Variants in SGCD observed in about 807,000 individuals in gnomAD.
The protein encoded by SGCD is delta-sarcoglycan.
In SGCD, 18 loss-of-function variants were observed where a neutral mutation model predicts 36.6. The ratio of observed to expected loss-of-function variants is 0.49; its 90% CI spans 0.34 to 0.73. The LOEUF (loss-of-function observed/expected upper bound fraction) is 0.73. Among genes scored for constraint, SGCD ranks in the 30% least tolerant of loss-of-function variants. SGCD has a pLI of 0.01. For missense variants in SGCD, 387 were observed against 346.7 expected, an observed-to-expected ratio of 1.12 and a Z score of -0.92; for synonymous variants, 133 against 130.6, an observed-to-expected ratio of 1.02 and a Z score of -0.12.
chr5:156,690,889 G>A (rs1284091023), intron 7 of SGCD, among the ~76,000 whole-genome samples: 2 of 151,990 alleles, frequency 1.3e-5, no homozygotes, highest in Admixed American at 6.6e-5. Flanking sequence ...AGATGGCAAG[G>A]ATACTGTAGT....
chr5:156,717,221 C>T (rs1464379452), intron 7 of SGCD, among the ~76,000 whole-genome samples: 2 of 152,194 alleles, frequency 1.3e-5, no homozygotes, highest in East Asian at 3.9e-4. Flanking sequence ...GAGAGAAACA[C>T]TGTCTCTTAA....
chr5:156,468,202 A>G (rs1208298747), intron 3 of SGCD, among the ~76,000 whole-genome samples: 2 of 151,968 alleles, frequency 1.3e-5, no homozygotes, highest in Non-Finnish European at 2.9e-5. Flanking sequence ...TAAAATATGC[A>G]TGGTGGTGCA....
chr5:156,283,642 C>T (rs1383318120), intron 3 of SGCD, among the ~76,000 whole-genome samples: 2 of 152,116 alleles, frequency 1.3e-5, no homozygotes, highest in African/African-American at 4.8e-5. Flanking sequence ...AGTGGTTTAT[C>T]GTCCTAACTT....
At chr5:156,431,975 C>T (rs1753032287) in intron 3 of SGCD, among the ~76,000 whole-genome samples, 1 of 152,166 alleles carries the variant, frequency 6.6e-6, no homozygotes, top group Non-Finnish European at 1.5e-5. Flanking sequence ...CTCAGCCTCT[C>T]AAAGTGCTGG....
the SGCD span, among the ~76,000 whole-genome samples, chr5:155,806,462 A>G: frequency 3.3e-5 from 5 of 152,146 alleles, no homozygotes; most frequent in Non-Finnish European, 7.3e-5. Context: ...CGACTTCACT[A>G]TTTTCAGTGG....
intron 3 of SGCD, among the ~76,000 whole-genome samples, chr5:156,218,133 G>A (rs886204282): frequency 2.0e-5 from 3 of 152,026 alleles, no homozygotes. Flanking sequence ...AATTAGTCGG[G>A]CATGGTGGCA....
At chr5:156,107,887 C>T (rs1761685728) in intron 1 of SGCD, among the ~76,000 whole-genome samples, 1 of 152,052 alleles carries the variant, frequency 6.6e-6, no homozygotes, top group Non-Finnish European at 1.5e-5. Flanking sequence ...TGTGCTTTTA[C>T]AAACAAGAAT....
rs932458081 is a variant in SGCD, at chr5:156,601,783, C to T, written c.502+6732C>T. 4.6e-5 allele frequency among the ~76,000 whole-genome samples: 7 copies of T among 152,018 alleles called. No homozygotes were observed. The East Asian group carries it at 1.2e-3, about 25-fold the overall frequency. ...ACTGCAAGCTCCACCTCCCGGGTTC[C>T]GGACATTCTCCTGCCTCAGCCTCCC... is the stretch of plus-strand genomic sequence containing the variant. On this transcript the variant is annotated intron_variant, in intron 6 of 8. Transcript: ENST00000337851.
intron 3 of SGCD, among the ~76,000 whole-genome samples, chr5:156,269,396 G>A (rs1363278055): frequency 6.9e-6 from 1 of 145,812 alleles, no homozygotes; most frequent in Non-Finnish European, 1.5e-5. Flanking sequence ...CGTGAACCTG[G>A]GAGGCGGAGC....
At chr5:156,192,262 A>G (rs972671249) in intron 3 of SGCD, among the ~76,000 whole-genome samples, 1 of 152,206 alleles carries the variant, frequency 6.6e-6, no homozygotes, top group Non-Finnish European at 1.5e-5. Context: ...TTAATCAGAA[A>G]ATTCCAATAA....
intron 3 of SGCD, among the ~76,000 whole-genome samples, chr5:156,359,219 G>C (rs1200164957): frequency 6.6e-6 from 1 of 152,100 alleles, no homozygotes; most frequent in Non-Finnish European, 1.5e-5. Flanking sequence ...CAGGTCTTTT[G>C]CTTTCTTCTT....
At chr5:155,751,215 A>G in the SGCD span, among the ~76,000 whole-genome samples, 1,046 of 152,304 alleles carry the variant, frequency 6.9e-3, 11 homozygotes, top group African/African-American at 0.024. Context: ...TTTTAGGGGC[A>G]TGAGTGGCAA....
rs542667824 is a variant in SGCD, at chr5:156,445,366, TA to T, written c.193-63233del. Reference sequence around the variant, plus strand: ...TATCTGCCTGGTAAAATGAGAACCATAAGGTCAAAATGGTTACAAAATAGGA... The same window carrying T: ...TATCTGCCTGGTAAAATGAGAACCATAGGTCAAAATGGTTACAAAATAGGA... On this transcript the variant is annotated intron_variant, in intron 3 of 8. Transcript: ENST00000337851. Among the ~76,000 whole-genome samples the T allele has an allele frequency of 4.6e-4, 70 of 152,204 alleles. 2 individuals are homozygous for T. The highest frequency in any genetic ancestry group is 4.5e-3 in the Admixed American group (69 of 15,278).
intron 7 of SGCD, among the ~76,000 whole-genome samples, chr5:156,656,832 A>G (rs1763701645): frequency 6.6e-6 from 1 of 152,192 alleles, no homozygotes; most frequent in Admixed American, 6.5e-5. Flanking sequence ...CAAAGCAGAA[A>G]GATTCTACGA....
chr5:156,548,345 C>T (rs1347982278), intron 4 of SGCD, among the ~76,000 whole-genome samples: 1 of 152,192 alleles, frequency 6.6e-6, no homozygotes, highest in African/African-American at 2.4e-5. Context: ...TATGGTACCT[C>T]ATGCTTTTTG....
At chr5:156,676,133 AC>A (rs1186796579) in intron 7 of SGCD, among the ~76,000 whole-genome samples, 1 of 152,330 alleles carries the variant, frequency 6.6e-6, no homozygotes, top group Non-Finnish European at 1.5e-5. Flanking sequence ...ATTCTTCAAT[AC>A]GTTCATACAG....
chr5:156,205,660 A>G (rs17053346), intron 3 of SGCD, among the ~76,000 whole-genome samples: 37,147 of 151,938 alleles, frequency 0.24, 5,040 homozygotes, highest in East Asian at 0.62. Context: ...ACTTGGATAT[A>G]TATACTTTTC....
intron 1 of SGCD, among the ~76,000 whole-genome samples, chr5:155,961,058 G>A (rs191692221): frequency 1.3e-5 from 2 of 152,116 alleles, no homozygotes; most frequent in East Asian, 3.9e-4. Context: ...CTTTCCTTTT[G>A]TTACAACTTT....
At chr5:155,784,772 GA>G in the SGCD span, among the ~76,000 whole-genome samples, 3 of 151,520 alleles carry the variant, frequency 2.0e-5, no homozygotes, top group African/African-American at 7.3e-5. Context: ...TATAAATAAG[GA>G]AAAAAATGAT....
Sources: gnomAD v4.1 joint callset for allele counts (sites outside exome capture counted in the v4.1 genomes callset) on GRCh38, gnomAD v4.1.1 for gene constraint, MANE v1.5 for transcripts, NCBI Gene and HGNC (gene_info 2026-07-23, HGNC 2026-07-21) for gene names.